The following AGK variants were observed in gnomAD, a reference collection of about 807,000 sequenced individuals.
The protein encoded by AGK is acylglycerol kinase, also known as acylglycerol kinase, mitochondrial.
Under a neutral mutation model 66.4 loss-of-function variants are expected in AGK, and 52 were observed. The observed-to-expected ratio is 0.78, with a 90% CI of 0.63 to 0.99. The LOEUF (loss-of-function observed/expected upper bound fraction) is 0.99. Among genes scored for constraint, AGK ranks in the 50% least tolerant of loss-of-function variants. AGK has a pLI of 0.00. For synonymous variants in AGK, 182 were observed against 181.1 expected (o/e 1.00, Z -0.04); for missense variants, 451 against 506.6 (o/e 0.89, Z 1.05).
chr7:141,575,757 G>A (rs925967826), intron 2 of AGK, among the ~76,000 whole-genome samples: 2 of 134,906 alleles, frequency 1.5e-5, no homozygotes, highest in Non-Finnish European at 3.1e-5. Context: ...AGGGATTTTA[G>A]ACCTGAAAAT....
At chr7:141,553,848 A>G (rs1195363425) in intron 1 of AGK, among the ~76,000 whole-genome samples, 1 of 152,198 alleles carries the variant, frequency 6.6e-6, no homozygotes, top group Admixed American at 6.5e-5. Context: ...GGAGTCATAA[A>G]AGAACTGGAC....
At chr7:141,623,381 A>AAAAAAAAAAAAGAAAAAAAAAAGAAAG (rs1260144512) in intron 9 of AGK, among the ~76,000 whole-genome samples, 1 of 127,490 alleles carries the variant, frequency 7.8e-6, no homozygotes, top group South Asian at 2.2e-4. Context: ...CTTTTTCTCA[A>AAAAAAAAAAAAGAAAAAAAAAAGAAAG]AAAAAAAAAA....
At chr7:141,645,881 G>A (rs1797400186) in intron 13 of AGK, among the ~76,000 whole-genome samples, 2 of 152,156 alleles carry the variant, frequency 1.3e-5, no homozygotes, top group Non-Finnish European at 1.5e-5. Context: ...TGGCCAAGAT[G>A]TAGCAAAAAG....
chr7:141,574,526 G>A (rs1230637466), intron 2 of AGK, among the ~76,000 whole-genome samples: 1 of 152,170 alleles, frequency 6.6e-6, no homozygotes, highest in African/African-American at 2.4e-5. Context: ...ATGAAGACAG[G>A]CTTCCTCCAC....
Position 141,577,817 on chromosome 7 carries a change from TC to T in AGK, c.102-15328del, listed in dbSNP as rs1212520729. 3.4e-5 allele frequency among the ~76,000 whole-genome samples: 5 copies of T among 148,238 alleles called. No individual in the cohort carries two copies. In the South Asian group the frequency reaches 8.8e-4, roughly 26 times the overall value. ...AGATCGAATGCCCCAACATAAATCT[TC>T]TTTTTTTTTTTTTTTTTTGAAACAG... On this transcript the variant is annotated intron_variant, in intron 2 of 15. Coordinates refer to ENST00000649286, the MANE Select transcript of AGK (RefSeq NM_018238.4).
intron 13 of AGK, among the ~76,000 whole-genome samples, chr7:141,644,717 C>G (rs147933394): frequency 5.9e-4 from 90 of 152,150 alleles, no homozygotes; most frequent in Non-Finnish European, 1.0e-3. Context: ...CAACATAGTT[C>G]CATTTTTCTT....
At position 141,551,440 on chromosome 7, in the gene AGK, T is replaced by C. The variant is rs1416036188; in HGVS notation, c.-15+6T>C. 1 of 152,888 alleles carries C rather than the reference T, an allele frequency of 6.5e-6. No individual in the cohort carries two copies. Among genetic ancestry groups the C allele is most frequent in the Non-Finnish European group, 1.5e-5 (1 of 68,626 alleles). 9.5% of individuals were successfully genotyped at this position (152,888 alleles called of 1,614,324 possible). A position where few individuals can be genotyped will look rare whatever the true frequency, so the allele number is the denominator to read the frequency against. The stretch of plus-strand genomic sequence containing the variant: ...CGCGAGCTGGACCAGCCGTGGTGAG[T>C]GCAGCGGCGCCCAGGCGGGGAGCGC... On this transcript the variant is annotated splice_donor_region_variant and intron_variant, in intron 1 of 15. Coordinates refer to ENST00000649286, the MANE Select transcript of AGK (RefSeq NM_018238.4).
intron 2 of AGK, among the ~76,000 whole-genome samples, chr7:141,566,740 T>G (rs1327610223): frequency 6.6e-6 from 1 of 152,202 alleles, no homozygotes; most frequent in Non-Finnish European, 1.5e-5. Context: ...CCCCTCTGAC[T>G]CTCATCCCAT....
At position 141,651,462 on chromosome 7, in the gene AGK, A is replaced by G. The variant is rs1797554568; in HGVS notation, c.1047-63A>G. 5 of 1,410,704 alleles carry G rather than the reference A, an allele frequency of 3.5e-6. 1 individual carries two copies. Among genetic ancestry groups the G allele is most frequent in the Middle Eastern group, 3.5e-4 (2 of 5,678 alleles). The allele number at this position is 1,410,704 out of a possible 1,614,324, so 87.4% of individuals were successfully genotyped here. On this transcript the variant is annotated intron_variant, in intron 14 of 15. Transcript: ENST00000649286. ...TAAAAAGGGGGAAAGAAGTTGCTAC[A>G]TTGTTGCAACCTAGTGCAGTTGCCA...
rs1374681155 is a variant in AGK at position 141,649,323 on chromosome 7, A to G, written c.1036A>G (p.Ile346Val). ...EPDTISKGDF[I>V]TIGSRKVRNP... ...TGACACCATCAGCAAAGGAGACTTT[A>G]TAACTATAGGGTAAGTGGACTGGGG... The change falls in exon 14 of 16, where the codon ATA becomes GTA. Residue 346 changes from isoleucine (I) to valine (V), a missense_variant. Coordinates refer to ENST00000649286, the MANE Select transcript of AGK (RefSeq NM_018238.4). The G allele has an allele frequency of 1.2e-6, 2 of 1,611,772 alleles. No homozygotes were observed. The highest frequency in any genetic ancestry group is 8.5e-7 in the Non-Finnish European group (1 of 1,178,170).
Position 141,583,060 on chromosome 7 carries a change from G to A in AGK, c.102-10086G>A, listed in dbSNP as rs191921494. Among the ~76,000 whole-genome samples, 113 of 152,050 alleles carry A rather than the reference G, an allele frequency of 7.4e-4. 2 individuals carry two copies. Among genetic ancestry groups the A allele is most frequent in the African/African-American group, 2.7e-3 (110 of 41,358 alleles). ...TGTGTAAAAGAATGCCTGGACATCAGGCACCTCAGACCATTTGCCCATTTT... is the reference window on the plus strand; with the variant it reads ...TGTGTAAAAGAATGCCTGGACATCAAGCACCTCAGACCATTTGCCCATTTT... On this transcript the variant is annotated intron_variant, in intron 2 of 15. Transcript: ENST00000649286.
chr7:141,622,880 A>G (rs1587138948), intron 9 of AGK, among the ~76,000 whole-genome samples: 1 of 151,746 alleles, frequency 6.6e-6, no homozygotes. Flanking sequence ...ATGGCGAAAC[A>G]CCATCTCTAC....
In AGK at chr7:141,652,881, A is replaced by T; in HGVS notation, c.1226A>T (p.Asp409Val). The T allele has an allele frequency of 6.2e-7, 1 of 1,614,054 alleles. No individual in the cohort carries two copies. Among genetic ancestry groups the T allele is most frequent in the African/African-American group, 1.3e-5 (1 of 75,000 alleles). The change falls in exon 16 of 16, where the codon GAT (aspartate) becomes GTT (valine). Residue 409 changes from aspartate (D) to valine (V), a missense_variant. Asp to Val is a radical substitution (Grantham distance 152). Transcript: ENST00000649286. ...CCCAGGAAGCTGCAGTTCTTCTGTGATCCTAGGAAGAGAGAACAGATGCTC... is the reference window on the plus strand; with the variant it reads ...CCCAGGAAGCTGCAGTTCTTCTGTGTTCCTAGGAAGAGAGAACAGATGCTC... ...LLPRKLQFFC[D>V]PRKREQMLTS...
intron 4 of AGK, 180 bp downstream of exon 4, chr7:141,596,821 AT>A (rs1796237113): frequency 1.7e-6 from 1 of 578,602 alleles, no homozygotes; most frequent in African/African-American, 1.9e-5. Context: ...TATAAAACTA[AT>A]GGATGCTTAG....
chr7:141,638,473 G>A (rs903713331), intron 11 of AGK, among the ~76,000 whole-genome samples: 2 of 152,098 alleles, frequency 1.3e-5, no homozygotes, highest in African/African-American at 4.8e-5. Context: ...TGAGTCTTGA[G>A]CAGAGGCATG....
At chr7:141,637,058 T>C in intron 11 of AGK, 41 bp downstream of exon 11, 1 of 1,564,950 alleles carries the variant, frequency 6.4e-7, no homozygotes, top group Non-Finnish European at 8.8e-7. Flanking sequence ...TGTGTTATTT[T>C]GTTGTTTCTC....
At chr7:141,579,615 A>G (rs1201456448) in intron 2 of AGK, among the ~76,000 whole-genome samples, 1 of 151,810 alleles carries the variant, frequency 6.6e-6, no homozygotes, top group Non-Finnish European at 1.5e-5. Flanking sequence ...ATGAGTAGGG[A>G]AGGGAGGGGG....
At chr7:141,568,825 C>T (rs1177914177) in intron 2 of AGK, among the ~76,000 whole-genome samples, 1 of 152,126 alleles carries the variant, frequency 6.6e-6, no homozygotes, top group Non-Finnish European at 1.5e-5. Context: ...ATCCACCCTC[C>T]TCAGCCTCCC....
At chr7:141,634,342 C>T (rs145574486) in intron 10 of AGK, among the ~76,000 whole-genome samples, 310 of 152,270 alleles carry the variant, frequency 2.0e-3, no homozygotes, top group African/African-American at 6.9e-3. Flanking sequence ...GAAGGGACTG[C>T]CTGGGCTACA....
Sources: gnomAD v4.1 joint callset for allele counts (sites outside exome capture counted in the v4.1 genomes callset) on GRCh38, gnomAD v4.1.1 for gene constraint, MANE v1.5 for transcripts, NCBI Gene and HGNC (gene_info 2026-07-23, HGNC 2026-07-21) for gene names.